The following KCNK13 variants were observed in gnomAD, a reference collection of about 807,000 sequenced individuals.
KCNK13 encodes the protein potassium channel subfamily K member 13.
In KCNK13, 12 loss-of-function variants were observed where a neutral mutation model predicts 23.4. The observed-to-expected ratio is 0.51, with a 90% CI of 0.33 to 0.83. KCNK13 has a LOEUF of 0.83. KCNK13 is among the 40% of genes least tolerant of loss of function. The pLI, the probability that KCNK13 is intolerant of heterozygous loss-of-function variation, is 0.02. For synonymous variants in KCNK13, 231 were observed against 229.5 expected (o/e 1.01, Z -0.06); for missense variants, 463 against 556.3 (o/e 0.83, Z 1.69).
intron 1 of KCNK13, among the ~76,000 whole-genome samples, chr14:90,142,181 T>C (rs546079083): frequency 2.0e-5 from 3 of 152,242 alleles, no homozygotes; most frequent in Non-Finnish European, 4.4e-5. Context: ...TTTTCTAGAA[T>C]TGTACGGAAT....
chr14:90,142,225 G>T (rs1390216192), intron 1 of KCNK13, among the ~76,000 whole-genome samples: 1 of 151,322 alleles, frequency 6.6e-6, no homozygotes, highest in Admixed American at 6.6e-5. Flanking sequence ...TTTTTGATTG[G>T]CTCCTTTCAC....
At chr14:90,117,838 C>A (rs780722891) in intron 1 of KCNK13, among the ~76,000 whole-genome samples, 8 of 152,194 alleles carry the variant, frequency 5.3e-5, no homozygotes, top group Non-Finnish European at 1.2e-4. Flanking sequence ...CTCATTTACT[C>A]TTCCCTTCCG....
chr14:90,183,956 C>T (rs1353282850), intron 1 of KCNK13, among the ~76,000 whole-genome samples, 155 bp from the exon 2 acceptor site: 1 of 152,176 alleles, frequency 6.6e-6, no homozygotes, highest in African/African-American at 2.4e-5. Flanking sequence ...TCTTCAAAAG[C>T]AGGTGAGAAT....
chr14:90,185,170 C>T lies in KCNK13; in HGVS notation c.*167C>T, dbSNP rs1307136498. The T allele has an allele frequency of 3.5e-6, 2 of 564,398 alleles. No homozygotes were observed. Among genetic ancestry groups the T allele is most frequent in the Non-Finnish European group, 6.0e-6 (2 of 333,334 alleles). The allele number at this position is 564,398 out of a possible 1,614,324, so 35.0% of individuals were successfully genotyped here. ...GATCTCGGCTCCAACCAACAGCCAC[C>T]TTCCAGGGATGGGGGGCCTGAAGCC... is the stretch of plus-strand genomic sequence containing the variant. On this transcript the variant is annotated 3_prime_UTR_variant, in exon 2 of 2. Transcript: ENST00000282146.
chr14:90,138,286 A>G (rs1186496396), intron 1 of KCNK13, among the ~76,000 whole-genome samples: 1 of 152,246 alleles, frequency 6.6e-6, no homozygotes, highest in African/African-American at 2.4e-5. Flanking sequence ...CCCCAAAATA[A>G]CTACTATTAG....
At chr14:90,107,337 G>T (rs951508445) in intron 1 of KCNK13, among the ~76,000 whole-genome samples, 2 of 152,098 alleles carry the variant, frequency 1.3e-5, no homozygotes, top group Non-Finnish European at 2.9e-5. Flanking sequence ...AATTAGCCAG[G>T]CGTGGTGGCG....
chr14:90,075,623 CG>C lies in KCNK13; in HGVS notation c.334+13085del, dbSNP rs1889125400. Reference sequence around the variant, plus strand: ...CCTCCTGAGTAGCTGGGATTACAGGCGTGCACCACCATGCTCGGCTAATTTT... The same window carrying C: ...CCTCCTGAGTAGCTGGGATTACAGGCTGCACCACCATGCTCGGCTAATTTT... On this transcript the variant is annotated intron_variant, in intron 1 of 1. Coordinates refer to ENST00000282146, the MANE Select transcript of KCNK13 (RefSeq NM_022054.4). Among the ~76,000 whole-genome samples the C allele has an allele frequency of 4.6e-5, 7 of 152,244 alleles. No homozygotes were observed. In the South Asian group the frequency reaches 1.5e-3, roughly 32 times the overall value.
chr14:90,110,139 G>A (rs1467975948), intron 1 of KCNK13, among the ~76,000 whole-genome samples: 1 of 152,192 alleles, frequency 6.6e-6, no homozygotes, highest in Non-Finnish European at 1.5e-5. Context: ...CGTTGCCCCT[G>A]TTGAGAACTG....
intron 1 of KCNK13, among the ~76,000 whole-genome samples, chr14:90,082,507 C>T (rs1889225956): frequency 6.6e-6 from 1 of 152,206 alleles, no homozygotes; most frequent in Non-Finnish European, 1.5e-5. Context: ...CTGGACATTT[C>T]ATATAAATGG....
chr14:90,124,411 T>C (rs748533613), intron 1 of KCNK13, among the ~76,000 whole-genome samples: 62 of 152,214 alleles, frequency 4.1e-4, no homozygotes, highest in Non-Finnish European at 1.6e-4. Context: ...AGAGAATCTT[T>C]CCTAGCAGAG....
At chr14:90,168,828 G>A (rs1270336686) in intron 1 of KCNK13, among the ~76,000 whole-genome samples, 1 of 152,150 alleles carries the variant, frequency 6.6e-6, no homozygotes, top group East Asian at 1.9e-4. Context: ...TAATCCCCAC[G>A]TGTTAAGGGT....
At chr14:90,125,411 G>A (rs1889785107) in intron 1 of KCNK13, among the ~76,000 whole-genome samples, 1 of 151,888 alleles carries the variant, frequency 6.6e-6, no homozygotes, top group Admixed American at 6.6e-5. Context: ...TTTTAGTAGA[G>A]ACGGGGTTTC....
chr14:90,080,738 G>A (rs768574343), intron 1 of KCNK13, among the ~76,000 whole-genome samples: 5 of 152,140 alleles, frequency 3.3e-5, no homozygotes, highest in Non-Finnish European at 7.4e-5. Context: ...ACCCTAGACT[G>A]TCTGGGATCA....
At chr14:90,092,468 A>G (rs1028610534) in intron 1 of KCNK13, among the ~76,000 whole-genome samples, 14 of 152,214 alleles carry the variant, frequency 9.2e-5, no homozygotes, top group African/African-American at 3.4e-4. Flanking sequence ...AAGAAAGAAC[A>G]ACACTGAGGT....
At chr14:90,150,760 T>G (rs1890126352) in intron 1 of KCNK13, among the ~76,000 whole-genome samples, 3 of 152,110 alleles carry the variant, frequency 2.0e-5, no homozygotes, top group Admixed American at 2.0e-4. Context: ...TGGGAGGTGA[T>G]TGGATCATGG....
chr14:90,064,823 G>A (rs1012496712), intron 1 of KCNK13, among the ~76,000 whole-genome samples: 2 of 152,116 alleles, frequency 1.3e-5, no homozygotes, highest in Non-Finnish European at 2.9e-5. Flanking sequence ...ACTAATTGTT[G>A]TAATAACAGC....
intron 1 of KCNK13, among the ~76,000 whole-genome samples, chr14:90,168,281 G>GGATT (rs2140441989): frequency 6.6e-6 from 1 of 152,226 alleles, no homozygotes; most frequent in Non-Finnish European, 1.5e-5. Context: ...TGAGGTGGAA[G>GGATT]GATTGCTTGT....
chr14:90,090,352 C>T (rs1335592250), intron 1 of KCNK13, among the ~76,000 whole-genome samples: 1 of 152,248 alleles, frequency 6.6e-6, no homozygotes, highest in Non-Finnish European at 1.5e-5. Flanking sequence ...GGATTTCAGA[C>T]TTGCATGGGG....
intron 1 of KCNK13, chr14:90,107,915 G>T (rs1176208596): frequency 9.3e-6 from 7 of 755,212 alleles, no homozygotes; most frequent in South Asian, 4.0e-5. Context: ...AGATTGTATA[G>T]GCAGATGCAG....
Sources: gnomAD v4.1 joint callset for allele counts (sites outside exome capture counted in the v4.1 genomes callset) on GRCh38, gnomAD v4.1.1 for gene constraint, MANE v1.5 for transcripts, NCBI Gene and HGNC (gene_info 2026-07-23, HGNC 2026-07-21) for gene names.